The following GPM6A variants were observed in gnomAD, a reference collection of about 807,000 sequenced individuals.
GPM6A encodes the protein glycoprotein M6A, also known as neuronal membrane glycoprotein M6-a.
Under a neutral mutation model 32.1 loss-of-function variants are expected in GPM6A, and 7 were observed. The ratio of observed to expected loss-of-function variants is 0.22; its 90% CI spans 0.12 to 0.41. The LOEUF is 0.41. GPM6A is among the 10% of genes least tolerant of loss of function. The pLI is 1.00. For missense variants in GPM6A, 235 were observed against 347.2 expected, an observed-to-expected ratio of 0.68 and a Z score of 2.57; for synonymous variants, 130 against 123.4, an observed-to-expected ratio of 1.05 and a Z score of -0.35.
chr4:175,815,171 C>A (rs1735059440), upstream of GPM6A, among the ~76,000 whole-genome samples: 1 of 152,028 alleles, frequency 6.6e-6, no homozygotes, highest in Non-Finnish European at 1.5e-5. Flanking sequence ...CCACCACACC[C>A]AGTTAGTTTT....
intron 1 of GPM6A, among the ~76,000 whole-genome samples, chr4:175,877,189 A>C (rs974001489): frequency 6.6e-6 from 1 of 152,184 alleles, no homozygotes; most frequent in African/African-American, 2.4e-5. Flanking sequence ...ACAGTGTGGC[A>C]CAATCCTCTG....
At chr4:175,918,223 G>A (rs1439574736) in intron 1 of GPM6A, among the ~76,000 whole-genome samples, 2 of 152,052 alleles carry the variant, frequency 1.3e-5, no homozygotes, top group Admixed American at 6.6e-5. Flanking sequence ...ATATGTGCAA[G>A]CTATGAATGT....
At chr4:175,897,329 C>A (rs927867871) in intron 1 of GPM6A, among the ~76,000 whole-genome samples, 8 of 152,194 alleles carry the variant, frequency 5.3e-5, no homozygotes, top group African/African-American at 1.4e-4. Flanking sequence ...ACCCTGGCTT[C>A]TCCTTACTTC....
chr4:175,972,390 A>T (rs1275075662), intron 1 of GPM6A, among the ~76,000 whole-genome samples: 1 of 152,228 alleles, frequency 6.6e-6, no homozygotes, highest in Admixed American at 6.5e-5. Flanking sequence ...AAAGAGACTT[A>T]TAGATAAAAA....
intron 1 of GPM6A, among the ~76,000 whole-genome samples, chr4:175,733,018 G>A (rs929867918): frequency 1.3e-5 from 2 of 152,148 alleles, no homozygotes; most frequent in African/African-American, 4.8e-5. Context: ...TGGGACCCAA[G>A]TTAGGGACAG....
Position 175,998,197 on chromosome 4 carries a change from A to G in GPM6A, c.-23+4112T>C, listed in dbSNP as rs1741368761. The stretch of plus-strand genomic sequence containing the variant: ...GAGACTGAGTCTCTCTCTGTTGTCC[A>G]GGCTGGAGTGTAGTGGCATGATCTC... On this transcript the variant is annotated intron_variant, in intron 1 of 7. Coordinates refer to the GPM6A transcript ENST00000280187. 2.0e-5 allele frequency among the ~76,000 whole-genome samples: 3 copies of G among 151,044 alleles called. No individual in the cohort carries two copies. The South Asian group carries it at 6.3e-4, about 32-fold the overall frequency.
chr4:175,697,548 A>T (rs1744648730), intron 2 of GPM6A, among the ~76,000 whole-genome samples: 1 of 152,150 alleles, frequency 6.6e-6, no homozygotes, highest in Non-Finnish European at 1.5e-5. Context: ...GAAGTTGCAC[A>T]CTTCTTATCA....
At chr4:175,638,914 G>A (rs1400137354) in intron 6 of GPM6A, among the ~76,000 whole-genome samples, 3 of 152,080 alleles carry the variant, frequency 2.0e-5, no homozygotes, top group African/African-American at 7.2e-5. Context: ...CTTCCCCAGG[G>A]CATAGTTTAG....
At chr4:175,923,556 T>C (rs1184769390) in intron 1 of GPM6A, among the ~76,000 whole-genome samples, 1 of 151,342 alleles carries the variant, frequency 6.6e-6, no homozygotes, top group Non-Finnish European at 1.5e-5. Flanking sequence ...TTTTTTGTTG[T>C]TGTTTGTTTG....
At chr4:175,957,855 TCA>T (rs1446871060) in intron 1 of GPM6A, among the ~76,000 whole-genome samples, 1 of 152,228 alleles carries the variant, frequency 6.6e-6, no homozygotes, top group Non-Finnish European at 1.5e-5. Flanking sequence ...CACCGATATT[TCA>T]CAGTTTCTAA....
chr4:175,923,698 C>T (rs897770751), intron 1 of GPM6A, among the ~76,000 whole-genome samples: 2 of 151,990 alleles, frequency 1.3e-5, no homozygotes, highest in African/African-American at 4.8e-5. Flanking sequence ...AGACCACAGG[C>T]ATGCACCACC....
Position 175,673,832 on chromosome 4 carries a change from C to G in GPM6A, c.235G>C (p.Asp79His). The G allele has an allele frequency of 1.3e-6, 2 of 1,589,608 alleles. No homozygotes were observed. Among genetic ancestry groups the G allele is most frequent in the Non-Finnish European group, 1.7e-6 (2 of 1,162,446 alleles). ...CCGTAGATCACATACTTAAAGATGT[C>G]AATCCTGAGAGAAAAGACAAAGTGA... ...GDTLDVFTMI[D>H]IFKYVIYGIA... Residue 79 changes from aspartate to histidine, a missense_variant, in exon 3 of 7, where the codon GAC becomes CAC. Physicochemically the swap from Asp to His is moderately conservative, Grantham distance 81. Transcript: ENST00000393658.
chr4:175,682,729 G>A (rs1190803593), intron 2 of GPM6A, among the ~76,000 whole-genome samples: 1 of 152,194 alleles, frequency 6.6e-6, no homozygotes, highest in Non-Finnish European at 1.5e-5. Context: ...CAAGCCATAA[G>A]CCCTGTCAGC....
chr4:175,869,725 C>T (rs1736846190), intron 1 of GPM6A, among the ~76,000 whole-genome samples: 1 of 152,022 alleles, frequency 6.6e-6, no homozygotes, highest in South Asian at 2.1e-4. Context: ...CCACTGCACT[C>T]CAGCCTGGGT....
At chr4:175,717,076 CCTT>C (rs1220694068) in intron 1 of GPM6A, among the ~76,000 whole-genome samples, 1 of 152,168 alleles carries the variant, frequency 6.6e-6, no homozygotes, top group African/African-American at 2.4e-5. Flanking sequence ...TCCACACACT[CCTT>C]CTACTCTAGG....
intron 1 of GPM6A, among the ~76,000 whole-genome samples, chr4:175,811,655 C>A (rs991684587): frequency 6.6e-6 from 1 of 152,146 alleles, no homozygotes; most frequent in Non-Finnish European, 1.5e-5. Context: ...AATTTATGAA[C>A]TTTTGCTCCA....
intron 1 of GPM6A, among the ~76,000 whole-genome samples, chr4:175,884,050 T>A (rs967063431): frequency 6.6e-6 from 1 of 152,184 alleles, no homozygotes; most frequent in African/African-American, 2.4e-5. Context: ...AAAAATAAGC[T>A]TTTCCTTTTC....
chr4:175,928,428 G>T (rs1054340497), intron 1 of GPM6A, among the ~76,000 whole-genome samples: 1 of 152,166 alleles, frequency 6.6e-6, no homozygotes, highest in Non-Finnish European at 1.5e-5. Context: ...CACACGTGGT[G>T]CCTTGGCTAA....
intron 1 of GPM6A, among the ~76,000 whole-genome samples, chr4:175,736,170 C>T (rs1345050998): frequency 6.6e-6 from 1 of 152,040 alleles, no homozygotes; most frequent in Non-Finnish European, 1.5e-5. Context: ...CAGGCATGCA[C>T]CACCATGCCT....
Sources: gnomAD v4.1 joint callset for allele counts (sites outside exome capture counted in the v4.1 genomes callset) on GRCh38, gnomAD v4.1.1 for gene constraint, MANE v1.5 for transcripts, NCBI Gene and HGNC (gene_info 2026-07-23, HGNC 2026-07-21) for gene names.